FRS2: variants seen among roughly 807,000 people sequenced by gnomAD.
FRS2 encodes the protein fibroblast growth factor receptor substrate 2, also known as FGFR signalling adaptor.
FRS2 carries 8 observed loss-of-function variants against 43.9 expected under a neutral mutation model. The ratio of observed to expected loss-of-function variants is 0.18; its 90% confidence interval spans 0.11 to 0.33. The LOEUF is 0.33. Among genes scored for constraint, FRS2 ranks in the 10% least tolerant of loss-of-function variants. The pLI is 1.00. For missense variants in FRS2, 534 were observed against 627.6 expected, an observed-to-expected ratio of 0.85 and a Z score of 1.59; for synonymous variants, 219 against 220.3, an observed-to-expected ratio of 0.99 and a Z score of 0.05.
chr12:69,535,034 T>G (rs1309789833), intron 3 of FRS2, among the ~76,000 whole-genome samples: 1 of 152,236 alleles, frequency 6.6e-6, no homozygotes, highest in East Asian at 1.9e-4. Context: ...GTGTATTTCT[T>G]TGGCACTGTA....
At chr12:69,545,467 C>T (rs1451400866) in intron 3 of FRS2, among the ~76,000 whole-genome samples, 2 of 151,968 alleles carry the variant, frequency 1.3e-5, no homozygotes, top group Non-Finnish European at 2.9e-5. Context: ...GAGCAGAGAA[C>T]CCAGAAATAG....
intron 1 of FRS2, among the ~76,000 whole-genome samples, chr12:69,498,519 T>TTGTGTGTGTGTGTGTGTGTGTGTGTG (rs71094717): frequency 1.1e-4 from 16 of 141,502 alleles, no homozygotes; most frequent in Non-Finnish European, 1.7e-4. Flanking sequence ...TTATGAGGGT[T>TTGTGTGTGTGTGTGTGTGTGTGTGTG]TGTGTGTGTG....
At chr12:69,515,289 G>A (rs1407192165) in intron 1 of FRS2, among the ~76,000 whole-genome samples, 1 of 152,182 alleles carries the variant, frequency 6.6e-6, no homozygotes, top group East Asian at 1.9e-4. Flanking sequence ...TGTATGGCAT[G>A]TTTATGTGTT....
chr12:69,532,494 T>C (rs888681533), intron 3 of FRS2, among the ~76,000 whole-genome samples: 2 of 152,192 alleles, frequency 1.3e-5, no homozygotes, highest in African/African-American at 4.8e-5. Flanking sequence ...AGGGGAGGAA[T>C]GCTGTGTCCT....
At chr12:69,544,631 C>T (rs1351231876) in intron 3 of FRS2, among the ~76,000 whole-genome samples, 8 of 151,930 alleles carry the variant, frequency 5.3e-5, no homozygotes, top group Admixed American at 6.5e-5. Context: ...CACTTGAACC[C>T]GGGAGGAGGG....
chr12:69,526,970 G>A lies in FRS2; in HGVS notation c.-260-3895G>A, dbSNP rs1034491503. Among the ~76,000 whole-genome samples, 3 of 152,058 alleles carry A rather than the reference G, an allele frequency of 2.0e-5. No homozygotes were observed. In the South Asian group the frequency reaches 6.2e-4, roughly 32 times the overall value. On this transcript the variant is annotated intron_variant, in intron 1 of 8. Coordinates refer to ENST00000549921, the MANE Select transcript of FRS2 (RefSeq NM_001278356.2). ...GATCTCCTGACCTCGTGATCCACCC[G>A]CCTTGGCCTCCCAAAGTGCTAGGAT...
At chr12:69,571,026 G>T (rs944170036) in intron 6 of FRS2, among the ~76,000 whole-genome samples, 1 of 152,166 alleles carries the variant, frequency 6.6e-6, no homozygotes, top group Non-Finnish European at 1.5e-5. Flanking sequence ...GCGTAAGTGC[G>T]CAGGTCTTGA....
chr12:69,483,740 T>G (rs997918669), intron 1 of FRS2, among the ~76,000 whole-genome samples: 4 of 152,210 alleles, frequency 2.6e-5, no homozygotes, highest in African/African-American at 4.8e-5. Flanking sequence ...AGAAAACACC[T>G]TTGAGTATAT....
intron 3 of FRS2, among the ~76,000 whole-genome samples, chr12:69,549,601 G>T (rs1019232484): frequency 2.0e-5 from 3 of 152,182 alleles, no homozygotes; most frequent in African/African-American, 7.2e-5. Context: ...TCAGTTCTTT[G>T]TTGGGCAGAT....
At chr12:69,521,654 C>T (rs1310312012) in intron 1 of FRS2, among the ~76,000 whole-genome samples, 1 of 151,906 alleles carries the variant, frequency 6.6e-6, no homozygotes, top group Non-Finnish European at 1.5e-5. Flanking sequence ...CTCGCTCTTT[C>T]ACCCAGGCTG....
chr12:69,575,014 G>A lies in FRS2; in HGVS notation c.*59G>A. On this transcript the variant is annotated 3_prime_UTR_variant, in exon 9 of 9. Coordinates refer to ENST00000549921, the MANE Select transcript of FRS2 (RefSeq NM_001278356.2). ...GAAGTTTTTAAAAATGAAGATGCAA[G>A]TGCTTCATTTTCATTTCTAAACACT... 1 of 1,116,040 alleles carries A rather than the reference G, an allele frequency of 9.0e-7. No individual in the cohort carries two copies. The highest frequency in any genetic ancestry group is 1.3e-6 in the Non-Finnish European group (1 of 755,458). 69.1% of individuals were successfully genotyped at this position (1,116,040 alleles called of 1,614,324 possible).
Position 69,575,206 on chromosome 12 carries a change from G to T in FRS2, c.*251G>T. On this transcript the variant is annotated 3_prime_UTR_variant, in exon 9 of 9. Coordinates refer to ENST00000549921, the MANE Select transcript of FRS2 (RefSeq NM_001278356.2). ...TTCACAGTGCCTATTTAAAATGAGA[G>T]TTGAAGTAAATGACATGCTGGTTGA... The T allele has an allele frequency of 2.3e-6, 1 of 431,172 alleles. No individual in the cohort carries two copies. The highest frequency in any genetic ancestry group is 3.6e-5 in the East Asian group (1 of 28,150). The allele number at this position is 431,172 out of a possible 1,614,324, so 26.7% of individuals were successfully genotyped here. A position where few individuals can be genotyped will look rare whatever the true frequency, so the allele number is the denominator to read the frequency against.
intron 3 of FRS2, among the ~76,000 whole-genome samples, chr12:69,546,199 A>G (rs1438349512): frequency 6.6e-6 from 1 of 152,188 alleles, no homozygotes. Flanking sequence ...AACATCACCA[A>G]TTATTAGAAA....
intron 3 of FRS2, among the ~76,000 whole-genome samples, chr12:69,546,684 C>A (rs1023372939): frequency 6.6e-6 from 1 of 152,108 alleles, no homozygotes; most frequent in Non-Finnish European, 1.5e-5. Flanking sequence ...AGCCACTGCA[C>A]CTGGCCAAGG....
At chr12:69,547,674 C>T (rs2135725625) in intron 3 of FRS2, among the ~76,000 whole-genome samples, 1 of 152,188 alleles carries the variant, frequency 6.6e-6, no homozygotes, top group East Asian at 1.9e-4. Flanking sequence ...TCCTTATTCC[C>T]TGTGTATGTG....
At chr12:69,516,362 G>A (rs1381669470) in intron 1 of FRS2, among the ~76,000 whole-genome samples, 2 of 152,042 alleles carry the variant, frequency 1.3e-5, no homozygotes, top group Non-Finnish European at 2.9e-5. Flanking sequence ...GGGATTACAG[G>A]CGTGTGCCAC....
chr12:69,552,302 C>CAAAAAAAA (rs35353764), intron 3 of FRS2, among the ~76,000 whole-genome samples: 1 of 51,354 alleles, frequency 1.9e-5, no homozygotes, highest in African/African-American at 8.5e-5. Flanking sequence ...AACTCCGTCT[C>CAAAAAAAA]AAAAAAAAAA....
rs200008375 is a variant in FRS2, at chr12:69,470,424, C to T, written c.-367C>T. 122 of 398,578 alleles carry T rather than the reference C, an allele frequency of 3.1e-4. 1 individual carries two copies. Among genetic ancestry groups the T allele is most frequent in the East Asian group, 1.0e-3 (28 of 28,056 alleles). 24.7% of individuals were successfully genotyped at this position (398,578 alleles called of 1,614,324 possible). A position where few individuals can be genotyped will look rare whatever the true frequency, so the allele number is the denominator to read the frequency against. On this transcript the variant is annotated 5_prime_UTR_variant, in exon 1 of 9. Transcript: ENST00000549921. ...CCGGAGAGAGGCCTTGTAGGCACAGCGGCTGAGACTCGATCTGCTCCAAGT... is the reference window on the plus strand; with the variant it reads ...CCGGAGAGAGGCCTTGTAGGCACAGTGGCTGAGACTCGATCTGCTCCAAGT...
chr12:69,512,159 C>G (rs1472073876), intron 1 of FRS2, among the ~76,000 whole-genome samples: 2 of 152,200 alleles, frequency 1.3e-5, no homozygotes, highest in Non-Finnish European at 2.9e-5. Flanking sequence ...CCCTCCCTCC[C>G]TGTTCTCTTT....
Sources: allele counts gnomAD v4.1 joint callset (sites outside exome capture counted in the v4.1 genomes callset), GRCh38; gene constraint gnomAD v4.1.1; transcripts MANE v1.5; gene names NCBI Gene and HGNC (gene_info 2026-07-23, HGNC 2026-07-21).